The following BCR variants were observed in gnomAD, a reference collection of about 807,000 sequenced individuals.
BCR encodes the protein breakpoint cluster region protein.
Under a neutral mutation model 138.6 loss-of-function variants are expected in BCR, and 58 were observed. The observed-to-expected ratio is 0.42, with a 90% CI of 0.34 to 0.52. BCR has a LOEUF of 0.52. BCR is among the 20% of genes least tolerant of loss of function. The probability of loss-of-function intolerance (pLI) is 0.06; values close to 1 mark genes in which losing one functional copy is unlikely to be tolerated. For synonymous variants in BCR, 786 were observed against 730.1 expected, an observed-to-expected ratio of 1.08 and a Z score of -1.23; for missense variants, 1,599 against 1,727.2, an observed-to-expected ratio of 0.93 and a Z score of 1.32.
chr22:23,284,458 C>T (rs56228961), intron 9 of BCR, among the ~76,000 whole-genome samples: 5,116 of 152,094 alleles, frequency 0.034, 128 homozygotes, highest in African/African-American at 0.056. Context: ...TCCGAGTTAT[C>T]CTCGGCATAG....
At chr22:23,185,408 G>GT (rs1385914514) in intron 1 of BCR, among the ~76,000 whole-genome samples, 1 of 152,166 alleles carries the variant, frequency 6.6e-6, no homozygotes, top group Non-Finnish European at 1.5e-5. Flanking sequence ...GCTCAAGCCT[G>GT]TAATCCCAGC....
chr22:23,205,676 T>C (rs1381092333), intron 1 of BCR, among the ~76,000 whole-genome samples: 4 of 150,876 alleles, frequency 2.7e-5, no homozygotes, highest in African/African-American at 7.3e-5. Flanking sequence ...TACTCTACAG[T>C]ATTGGGATTG....
At chr22:23,232,081 T>C (rs1486936415) in intron 1 of BCR, among the ~76,000 whole-genome samples, 1 of 152,226 alleles carries the variant, frequency 6.6e-6, no homozygotes, top group African/African-American at 2.4e-5. Flanking sequence ...CCTCTAATTT[T>C]CTGTTGCTTT....
chr22:23,184,125 G>A (rs2072307819), intron 1 of BCR, among the ~76,000 whole-genome samples: 2 of 152,142 alleles, frequency 1.3e-5, no homozygotes, highest in African/African-American at 4.8e-5. Context: ...GTCTGGCTCT[G>A]CCATCCAGGT....
intron 6 of BCR, 39 bp from the exon 7 acceptor site, chr22:23,273,042 C>T (rs1436728824): frequency 6.2e-7 from 1 of 1,606,572 alleles, no homozygotes; most frequent in Admixed American, 1.7e-5. Flanking sequence ...GTGTGCTTCT[C>T]CATGTGCAAC....
At chr22:23,244,571 G>C (rs2073133476) in intron 1 of BCR, among the ~76,000 whole-genome samples, 1 of 152,190 alleles carries the variant, frequency 6.6e-6, no homozygotes, top group Non-Finnish European at 1.5e-5. Context: ...CCTTGTCATG[G>C]TTGCTGTGAT....
At chr22:23,209,606 C>T (rs112713357) in intron 1 of BCR, among the ~76,000 whole-genome samples, 10,576 of 151,184 alleles carry the variant, frequency 0.07, 1,236 homozygotes, top group African/African-American at 0.24. Flanking sequence ...TGCAGTGGCG[C>T]GATCTCGGCT....
intron 1 of BCR, among the ~76,000 whole-genome samples, chr22:23,249,857 CA>C (rs2073203285): frequency 6.6e-6 from 1 of 152,250 alleles, no homozygotes; most frequent in African/African-American, 2.4e-5. Flanking sequence ...ATGAGCAGGC[CA>C]TCTGGAATCC....
intron 16 of BCR, among the ~76,000 whole-genome samples, chr22:23,308,020 G>A (rs1365461015): frequency 5.7e-5 from 8 of 141,200 alleles, no homozygotes; most frequent in African/African-American, 1.6e-4. Flanking sequence ...GCTCAGCACC[G>A]TCGTGTGTGT....
chr22:23,284,997 C>T (rs746326927), intron 9 of BCR, 36 bp from the exon 10 acceptor site: 108 of 1,595,644 alleles, frequency 6.8e-5, no homozygotes, highest in Non-Finnish European at 9.0e-5. Flanking sequence ...AGAAGGCAGT[C>T]GGTGCATGTG....
At chr22:23,198,553 C>T (rs1457976822) in intron 1 of BCR, among the ~76,000 whole-genome samples, 1 of 152,098 alleles carries the variant, frequency 6.6e-6, no homozygotes, top group Admixed American at 6.5e-5. Context: ...GAGGCCACCG[C>T]AGGTAAGGGG....
At position 23,315,584 on chromosome 22, in the gene BCR, A is replaced by G; in HGVS notation, c.*62A>G. On this transcript the variant is annotated 3_prime_UTR_variant, in exon 23 of 23. Transcript: ENST00000305877. ...CTGGAAACCTCTGGCTAATCGGGCC[A>G]TCCGTAGAGCGGGAACCTTCCTGAG... The G allele has an allele frequency of 6.6e-7, 1 of 1,513,718 alleles. No individual in the cohort carries two copies. 93.8% of individuals were successfully genotyped at this position (1,513,718 alleles called of 1,614,324 possible).
At chr22:23,199,122 C>CA (rs371236578) in intron 1 of BCR, 12,821 of 245,950 alleles carry the variant, frequency 0.052, 1 homozygote, top group South Asian at 0.091. Flanking sequence ...AACTCCGTCT[C>CA]AAAAAAAAAA....
chr22:23,295,004 C>T lies in BCR; in HGVS notation c.2881-20C>T. 1.2e-6 allele frequency: 2 copies of T among 1,613,118 alleles called. No homozygotes were observed. Among genetic ancestry groups the T allele is most frequent in the East Asian group, 2.2e-5 (1 of 44,860 alleles). ...ACCCGTTTGTTCACACTGGACTTCC[C>T]TTCTCCCTTGGGGCTGCAGGAATTT... On this transcript the variant is annotated intron_variant, in intron 15 of 22. Coordinates refer to ENST00000305877, the MANE Select transcript of BCR (RefSeq NM_004327.4).
intron 1 of BCR, among the ~76,000 whole-genome samples, chr22:23,185,602 C>A (rs946595716): frequency 2.0e-5 from 3 of 151,402 alleles, no homozygotes; most frequent in Non-Finnish European, 4.4e-5. Flanking sequence ...GGAGGCGGAG[C>A]TTGCAGTGAG....
chr22:23,281,399 G>T (rs1453264142), intron 8 of BCR, among the ~76,000 whole-genome samples: 4 of 152,214 alleles, frequency 2.6e-5, no homozygotes, highest in Non-Finnish European at 5.9e-5. Flanking sequence ...GGACGACTCG[G>T]GTGGGCTATG....
intron 2 of BCR, 62 bp downstream of exon 2, chr22:23,254,042 C>T: frequency 2.0e-6 from 3 of 1,521,242 alleles, no homozygotes; most frequent in Non-Finnish European, 2.7e-6. Context: ...AGCGCAGCCC[C>T]ATGCTCAGGG....
chr22:23,302,567 G>T (rs1301055304), intron 16 of BCR: 1 of 152,310 alleles, frequency 6.6e-6, no homozygotes, highest in Admixed American at 6.5e-5. Context: ...AAGGCTCCTG[G>T]TGTCACTGGG....
At chr22:23,219,144 CA>C (rs759342009) in intron 1 of BCR, among the ~76,000 whole-genome samples, 2 of 152,150 alleles carry the variant, frequency 1.3e-5, no homozygotes, top group African/African-American at 2.4e-5. Context: ...AAAAATAATC[CA>C]GGGGGAGGGG....
Sources: allele counts gnomAD v4.1 joint callset (sites outside exome capture counted in the v4.1 genomes callset), GRCh38; gene constraint gnomAD v4.1.1; transcripts MANE v1.5; gene names NCBI Gene and HGNC (gene_info 2026-07-23, HGNC 2026-07-21).